COX16: variants seen among roughly 807,000 people sequenced by gnomAD.
The protein encoded by COX16 is cytochrome c oxidase assembly factor COX16, also known as cytochrome c oxidase assembly protein COX16 homolog, mitochondrial.
COX16 carries 12 observed loss-of-function variants against 15.4 expected under a neutral mutation model. The ratio of observed to expected loss-of-function variants is 0.78; its 90% CI spans 0.50 to 1.26. COX16 has a LOEUF of 1.26. Ranked by LOEUF, COX16 falls within the 50% of genes most tolerant of loss-of-function variation. The pLI is 0.00. For missense variants in COX16, 124 were observed against 127.6 expected, an observed-to-expected ratio of 0.97 and a Z score of 0.14; for synonymous variants, 46 against 41.1, an observed-to-expected ratio of 1.12 and a Z score of -0.46.
intron 2 of COX16, among the ~76,000 whole-genome samples, chr14:70,331,998 T>G (rs1432891302): frequency 1.3e-5 from 2 of 152,190 alleles, no homozygotes; most frequent in Non-Finnish European, 2.9e-5. Flanking sequence ...CATTCACACC[T>G]AGGTGGATGA....
At chr14:70,332,729 TGA>T (rs1886328836) in intron 2 of COX16, among the ~76,000 whole-genome samples, 1 of 151,964 alleles carries the variant, frequency 6.6e-6, no homozygotes, top group South Asian at 2.1e-4. Flanking sequence ...TCCGTGGCAA[TGA>T]GAGGGGATCA....
intron 2 of COX16, among the ~76,000 whole-genome samples, chr14:70,341,507 A>G (rs1463156820): frequency 6.6e-6 from 1 of 152,212 alleles, no homozygotes; most frequent in African/African-American, 2.4e-5. Context: ...GAATGAAAAA[A>G]CCAGAGTTCT....
At chr14:70,351,636 G>A (rs906906720) in intron 1 of COX16, among the ~76,000 whole-genome samples, 1 of 151,954 alleles carries the variant, frequency 6.6e-6, no homozygotes, top group African/African-American at 2.4e-5. Context: ...TTTTTTTAGT[G>A]AGAAATTATG....
chr14:70,345,235 C>T (rs1259049174), intron 1 of COX16, among the ~76,000 whole-genome samples: 2 of 152,216 alleles, frequency 1.3e-5, no homozygotes, highest in Admixed American at 6.5e-5. Flanking sequence ...AAAATTCACA[C>T]GGCCTCTCTT....
At chr14:70,329,271 A>G (rs1326806623) in intron 2 of COX16, 35 bp from the exon 3 acceptor site, 15 of 1,575,346 alleles carry the variant, frequency 9.5e-6, no homozygotes, top group Non-Finnish European at 1.3e-5. Context: ...AAGTTATCTA[A>G]GTCTGTTTGT....
intron 3 of COX16, chr14:70,328,041 T>C (rs1024852390): frequency 6.8e-6 from 1 of 147,544 alleles, no homozygotes; most frequent in Non-Finnish European, 1.5e-5. Flanking sequence ...AGGACTGTTC[T>C]TCAGGAGTAA....
In COX16 at chr14:70,326,148, A is replaced by AATAGCTGGGAAGTAT. The variant is rs1349872696; in HGVS notation, c.*170_*184dup. 1.1e-5 allele frequency: 4 copies of AATAGCTGGGAAGTAT among 361,028 alleles called. No individual in the cohort carries two copies. The highest frequency in any genetic ancestry group is 1.4e-5 in the Non-Finnish European group (3 of 211,064). 22.4% of individuals were successfully genotyped at this position (361,028 alleles called of 1,614,324 possible). ...CATTGTTACTTTCATCCACAGATGG[A>AATAGCTGGGAAGTAT]ATAGCTGGGAAGTATAAAAACCTGT... On this transcript the variant is annotated 3_prime_UTR_variant, in exon 4 of 4. Coordinates refer to ENST00000389912, the MANE Select transcript of COX16 (RefSeq NM_016468.7).
intron 1 of COX16, among the ~76,000 whole-genome samples, chr14:70,356,021 C>T (rs1887113816): frequency 2.0e-5 from 3 of 152,044 alleles, no homozygotes; most frequent in East Asian, 1.9e-4. Flanking sequence ...GCTTGAGGCC[C>T]GCACCAGAAG....
chr14:70,355,359 G>A (rs1887094401), intron 1 of COX16, among the ~76,000 whole-genome samples: 1 of 151,988 alleles, frequency 6.6e-6, no homozygotes, highest in African/African-American at 2.4e-5. Context: ...GTTTCCTCCT[G>A]TATACCTCAA....
intron 2 of COX16, among the ~76,000 whole-genome samples, chr14:70,335,169 A>G (rs532241311): frequency 5.3e-5 from 8 of 152,360 alleles, no homozygotes; most frequent in Admixed American, 2.0e-4. Flanking sequence ...GTAAATATAT[A>G]TGCACCCAAC....
intron 3 of COX16, among the ~76,000 whole-genome samples, chr14:70,328,683 T>G (rs1199416946): frequency 1.3e-5 from 2 of 152,212 alleles, no homozygotes; most frequent in African/African-American, 4.8e-5. Context: ...ACTGAACAAA[T>G]GAATTGTTGA....
chr14:70,342,215 C>T (rs935624830), intron 2 of COX16, among the ~76,000 whole-genome samples: 31 of 152,234 alleles, frequency 2.0e-4, no homozygotes, highest in African/African-American at 6.7e-4. Flanking sequence ...AAGGCCAAGG[C>T]GGGTGGATCA....
rs1216206242 is a variant in COX16, at chr14:70,357,169, A to C, written c.69+2350T>G. Among the ~76,000 whole-genome samples the C allele has an allele frequency of 2.2e-3, 316 of 144,976 alleles. 12 individuals carry two copies. The South Asian group carries it at 0.068, about 31-fold the overall frequency. ...TAGGAAGCGTTTGTCAAAAAAAAAA[A>C]AAAAAAAAAAAAAAAAAAAAAATTC... On this transcript the variant is annotated intron_variant, in intron 1 of 3. Transcript: ENST00000389912.
In COX16 at chr14:70,343,297, T is replaced by A. The variant is rs114732944; in HGVS notation, c.70-568A>T. On this transcript the variant is annotated intron_variant, in intron 1 of 3. Coordinates refer to ENST00000389912, the MANE Select transcript of COX16 (RefSeq NM_016468.7). ...CACTTTCCTGTTTTGTCTATACTCA[T>A]TGCCCATATTGCAGAATGGAGCTCT... 5.9e-5 allele frequency among the ~76,000 whole-genome samples: 9 copies of A among 152,252 alleles called. No homozygotes were observed. The East Asian group carries it at 1.7e-3, about 29-fold the overall frequency.
chr14:70,338,039 T>C (rs1886510095), intron 2 of COX16, among the ~76,000 whole-genome samples: 1 of 152,216 alleles, frequency 6.6e-6, no homozygotes, highest in South Asian at 2.1e-4. Flanking sequence ...GACAAGATAA[T>C]GAACAATTTT....
In COX16 at chr14:70,329,237, CT is replaced by C. The variant is rs1195106431; in HGVS notation, c.142-2del. The C allele has an allele frequency of 6.3e-7, 1 of 1,581,752 alleles. No homozygotes were observed. The highest frequency in any genetic ancestry group is 1.4e-5 in the African/African-American group (1 of 73,228). On this transcript the variant is annotated splice_acceptor_variant, in intron 2 of 3. Transcript: ENST00000389912. LOFTEE classifies it high-confidence loss of function. ...GTTTTTTTTCAAGCTCAGGATCCAT[CT>C]GTAGAAAAGGAAAAAAAGTAATAAG...
chr14:70,354,841 C>CGTGTGTGTGTGT (rs55646280), intron 1 of COX16, among the ~76,000 whole-genome samples: 10,015 of 148,892 alleles, frequency 0.067, 451 homozygotes, highest in Middle Eastern at 0.16. Flanking sequence ...TGTGTGTGTG[C>CGTGTGTGTGTGT]GTGTGTGTGT....
At chr14:70,353,868 T>G (rs1887045556) in intron 1 of COX16, among the ~76,000 whole-genome samples, 1 of 152,068 alleles carries the variant, frequency 6.6e-6, no homozygotes, top group African/African-American at 2.4e-5. Flanking sequence ...AATTAAATAT[T>G]AAAAGGTATA....
In COX16 at chr14:70,325,713, T is replaced by A. The variant is rs1029681299; in HGVS notation, c.*620A>T. ...TGAACAAATTTGCCATATCTGCTTA[T>A]AATCATACACTACTTCATAATTTTT... On this transcript the variant is annotated 3_prime_UTR_variant, in exon 4 of 4. Transcript: ENST00000389912. 3 of 152,236 alleles carry A rather than the reference T, an allele frequency of 2.0e-5. No individual in the cohort carries two copies. Among genetic ancestry groups the A allele is most frequent in the African/African-American group, 7.2e-5 (3 of 41,468 alleles). 9.4% of individuals were successfully genotyped at this position (152,236 alleles called of 1,614,324 possible).
Sources: allele counts gnomAD v4.1 joint callset (sites outside exome capture counted in the v4.1 genomes callset), GRCh38; gene constraint gnomAD v4.1.1; transcripts MANE v1.5; gene names NCBI Gene and HGNC (gene_info 2026-07-23, HGNC 2026-07-21).